The following RAB3C variants were observed in gnomAD, a reference collection of about 807,000 sequenced individuals.
The protein encoded by RAB3C is ras-related protein Rab-3C.
In RAB3C, 17 loss-of-function variants were observed where a neutral mutation model predicts 26.4. The ratio of observed to expected loss-of-function variants is 0.64; its 90% CI spans 0.44 to 0.97. The LOEUF (loss-of-function observed/expected upper bound fraction) is 0.97, where lower values mean the gene tolerates loss of function less well. RAB3C is among the 50% of genes least tolerant of loss of function. The pLI is 0.00. For synonymous variants in RAB3C, 91 were observed against 95.9 expected (o/e 0.95, Z 0.30); for missense variants, 242 against 281.9 (o/e 0.86, Z 1.01).
intron 3 of RAB3C, among the ~76,000 whole-genome samples, chr5:58,754,599 C>A (rs1392375980): frequency 6.6e-6 from 1 of 152,122 alleles, no homozygotes. Context: ...ACCCAGTTAC[C>A]CAGTTACCGC....
intron 2 of RAB3C, among the ~76,000 whole-genome samples, chr5:58,676,450 C>T (rs1748229461): frequency 6.6e-6 from 1 of 152,056 alleles, no homozygotes; most frequent in Non-Finnish European, 1.5e-5. Flanking sequence ...TTGCAGTGAG[C>T]CCAGATCATG....
At chr5:58,618,608 AAC>A (rs1746873035) in intron 2 of RAB3C, among the ~76,000 whole-genome samples, 1 of 151,920 alleles carries the variant, frequency 6.6e-6, no homozygotes, top group Non-Finnish European at 1.5e-5. Flanking sequence ...GTGAGCAAAA[AAC>A]AGAGGAAAAT....
At chr5:58,747,733 T>A (rs563192936) in intron 3 of RAB3C, among the ~76,000 whole-genome samples, 25 of 151,276 alleles carry the variant, frequency 1.7e-4, no homozygotes, top group African/African-American at 3.9e-4. Context: ...AGATATGATT[T>A]TATATATATA....
chr5:58,707,492 C>T (rs1353692330), intron 2 of RAB3C, among the ~76,000 whole-genome samples: 2 of 152,148 alleles, frequency 1.3e-5, no homozygotes, highest in African/African-American at 4.8e-5. Context: ...CTTAGGTTTC[C>T]AGAGAAACTC....
intron 3 of RAB3C, among the ~76,000 whole-genome samples, chr5:58,755,340 G>A (rs1221766511): frequency 3.9e-5 from 6 of 152,180 alleles, no homozygotes; most frequent in Non-Finnish European, 5.9e-5. Context: ...TTAATCTGGT[G>A]ATCTGTTTTT....
chr5:58,690,368 T>C (rs1289398610), intron 2 of RAB3C, among the ~76,000 whole-genome samples: 1 of 152,184 alleles, frequency 6.6e-6, no homozygotes, highest in East Asian at 1.9e-4. Context: ...TGGTTTCCTA[T>C]GTAAAAAAAC....
intron 3 of RAB3C, among the ~76,000 whole-genome samples, chr5:58,774,407 G>C (rs1365206117): frequency 6.6e-6 from 1 of 151,944 alleles, no homozygotes; most frequent in African/African-American, 2.4e-5. Flanking sequence ...CTACCTTTTA[G>C]CCCACAAACA....
At chr5:58,697,457 A>C (rs1748738859) in intron 2 of RAB3C, among the ~76,000 whole-genome samples, 1 of 152,126 alleles carries the variant, frequency 6.6e-6, no homozygotes, top group Non-Finnish European at 1.5e-5. Flanking sequence ...TGCAGAGCTG[A>C]GTTCAGGTCC....
intron 1 of RAB3C, among the ~76,000 whole-genome samples, chr5:58,600,459 AC>A (rs745640109): frequency 3.9e-5 from 6 of 151,986 alleles, no homozygotes; most frequent in Non-Finnish European, 7.4e-5. Context: ...TATTGATTCT[AC>A]CCATACATGA....
At chr5:58,721,969 T>C (rs551826205) in intron 2 of RAB3C, among the ~76,000 whole-genome samples, 1 of 151,894 alleles carries the variant, frequency 6.6e-6, no homozygotes, top group African/African-American at 2.4e-5. Context: ...TTTCCCTCTC[T>C]CTTTTTTGAT....
intron 3 of RAB3C, among the ~76,000 whole-genome samples, chr5:58,798,734 T>G (rs1742733068): frequency 6.6e-6 from 1 of 152,212 alleles, no homozygotes; most frequent in Non-Finnish European, 1.5e-5. Flanking sequence ...ATGCAAATAT[T>G]TCAAAATCTG....
At chr5:58,787,855 G>C (rs150860506) in intron 3 of RAB3C, among the ~76,000 whole-genome samples, 50 of 152,294 alleles carry the variant, frequency 3.3e-4, no homozygotes, top group African/African-American at 1.2e-3. Context: ...ATTCTCAGCT[G>C]TCCTAACTCC....
chr5:58,649,472 G>T (rs1486101881), intron 2 of RAB3C, among the ~76,000 whole-genome samples: 1 of 151,636 alleles, frequency 6.6e-6, no homozygotes, highest in Non-Finnish European at 1.5e-5. Flanking sequence ...ATCTTTCCTT[G>T]CCAGGATACA....
chr5:58,598,451 TACC>T (rs1746374845), intron 1 of RAB3C, among the ~76,000 whole-genome samples: 1 of 152,098 alleles, frequency 6.6e-6, no homozygotes. Flanking sequence ...TATCTTTTCT[TACC>T]ACTTGGATTC....
At chr5:58,621,337 A>G (rs181539502) in intron 2 of RAB3C, among the ~76,000 whole-genome samples, 1 of 152,294 alleles carries the variant, frequency 6.6e-6, no homozygotes, top group Non-Finnish European at 1.5e-5. Flanking sequence ...CTAAGTTAGG[A>G]AACCAAGATA....
chr5:58,615,608 T>C (rs528380034), intron 1 of RAB3C, among the ~76,000 whole-genome samples: 78 of 152,246 alleles, frequency 5.1e-4, no homozygotes, highest in Non-Finnish European at 4.4e-4. Flanking sequence ...TTGGGGAAAG[T>C]TGACCTTAGT....
chr5:58,612,080 A>T lies in RAB3C; in HGVS notation c.25-5563A>T, dbSNP rs962159261. On this transcript the variant is annotated intron_variant, in intron 1 of 4. Coordinates refer to ENST00000282878, the MANE Select transcript of RAB3C (RefSeq NM_138453.4). ...ATTTCTGGGTTCTCTATTCTGTTCC[A>T]TTGGTCTATATGTCTTGTTTTTGTA... is the stretch of plus-strand genomic sequence containing the variant. Among the ~76,000 whole-genome samples, 13 of 151,968 alleles carry T rather than the reference A, an allele frequency of 8.6e-5. 1 individual carries two copies. The highest frequency in any genetic ancestry group is 5.2e-4 in the Admixed American group (8 of 15,256).
At chr5:58,719,690 T>C (rs558268067) in intron 2 of RAB3C, among the ~76,000 whole-genome samples, 1 of 152,082 alleles carries the variant, frequency 6.6e-6, no homozygotes, top group South Asian at 2.1e-4. Flanking sequence ...GCAGTCCTTG[T>C]CTTATAGATT....
rs143621793 is a variant in RAB3C, at chr5:58,805,719, A to G, written c.372-19319A>G. On this transcript the variant is annotated intron_variant, in intron 3 of 4. Transcript: ENST00000282878. ...TGTATGAAGAAGTGTGATTAACATA[A>G]AAAGCAGAGGAGTAGCATGAAATAT... Among the ~76,000 whole-genome samples the G allele has an allele frequency of 3.7e-3, 561 of 152,252 alleles. 6 individuals are homozygous for G. Among genetic ancestry groups the G allele is most frequent in the African/African-American group, 0.013 (537 of 41,528 alleles).
Sources: gnomAD v4.1 joint callset for allele counts (sites outside exome capture counted in the v4.1 genomes callset) on GRCh38, gnomAD v4.1.1 for gene constraint, MANE v1.5 for transcripts, NCBI Gene and HGNC (gene_info 2026-07-23, HGNC 2026-07-21) for gene names.